Variants in WDFY2 observed in about 807,000 individuals in gnomAD.
The protein encoded by WDFY2 is WD repeat and FYVE domain-containing protein 2.
Under a neutral mutation model 56.4 loss-of-function variants are expected in WDFY2, and 36 were observed. The observed-to-expected ratio is 0.64, with a 90% CI of 0.49 to 0.84. WDFY2 has a LOEUF of 0.84. Among genes scored for constraint, WDFY2 ranks in the 40% least tolerant of loss-of-function variants. WDFY2 has a pLI of 0.00. For synonymous variants in WDFY2, 176 were observed against 183.7 expected (o/e 0.96, Z 0.34); for missense variants, 444 against 512.2 (o/e 0.87, Z 1.29).
intron 1 of WDFY2, among the ~76,000 whole-genome samples, chr13:51,622,707 A>G (rs546367681): frequency 2.0e-5 from 3 of 152,220 alleles, no homozygotes; most frequent in Non-Finnish European, 4.4e-5. Flanking sequence ...CACAGGATAC[A>G]CATAACTGTT....
chr13:51,678,715 G>A (rs1032245118), intron 3 of WDFY2, among the ~76,000 whole-genome samples: 1 of 152,152 alleles, frequency 6.6e-6, no homozygotes, highest in Non-Finnish European at 1.5e-5. Flanking sequence ...ACATAGTGTG[G>A]CTTCTGGTCT....
At chr13:51,629,257 A>G (rs748902700) in intron 1 of WDFY2, among the ~76,000 whole-genome samples, 4 of 152,240 alleles carry the variant, frequency 2.6e-5, no homozygotes, top group Non-Finnish European at 5.9e-5. Flanking sequence ...CTAAACGTTC[A>G]TGTAGATAGA....
chr13:51,671,894 G>A (rs566657330), intron 2 of WDFY2, among the ~76,000 whole-genome samples: 17 of 145,648 alleles, frequency 1.2e-4, no homozygotes, highest in South Asian at 8.6e-4. Context: ...AGCGATTCTC[G>A]TGCCTCAGCC....
intron 7 of WDFY2, among the ~76,000 whole-genome samples, chr13:51,741,386 G>A (rs1186475701): frequency 6.6e-6 from 1 of 152,210 alleles, no homozygotes; most frequent in African/African-American, 2.4e-5. Context: ...GGGTTGCTCT[G>A]GTATCACAGA....
intron 4 of WDFY2, among the ~76,000 whole-genome samples, chr13:51,708,328 A>C (rs1314689945): frequency 5.7e-3 from 1 of 176 alleles, no homozygotes; most frequent in Non-Finnish European, 0.029. Context: ...CCCATCTCTA[A>C]AAAAAAAAAA....
chr13:51,741,242 A>G (rs1952967138), intron 7 of WDFY2, among the ~76,000 whole-genome samples: 2 of 152,234 alleles, frequency 1.3e-5, no homozygotes, highest in African/African-American at 4.8e-5. Context: ...ATCAGGAGCC[A>G]CCAGGCAGAA....
chr13:51,699,155 G>C (rs778755960), intron 3 of WDFY2, among the ~76,000 whole-genome samples: 1 of 152,204 alleles, frequency 6.6e-6, no homozygotes, highest in African/African-American at 2.4e-5. Context: ...CCACAGATCT[G>C]ACTTCCCCAG....
rs2138788383 is a variant in WDFY2, at chr13:51,760,548, C to A, written c.*779C>A. On this transcript the variant is annotated 3_prime_UTR_variant, in exon 12 of 12. Coordinates refer to ENST00000298125, the MANE Select transcript of WDFY2 (RefSeq NM_052950.4). ...GAGCTTCAACGATCAGTGCCTGGAT[C>A]ATTTAGAATTCAGTTGGAGCCTCCT... The A allele has an allele frequency of 6.6e-6, 1 of 152,300 alleles. No homozygotes were observed. The highest frequency in any genetic ancestry group is 2.1e-4 in the South Asian group (1 of 4,826). 9.4% of individuals were successfully genotyped at this position (152,300 alleles called of 1,614,324 possible).
intron 1 of WDFY2, 152 bp downstream of exon 1, chr13:51,584,976 A>C: frequency 4.2e-6 from 5 of 1,184,050 alleles, no homozygotes; most frequent in Non-Finnish European, 4.6e-6. Context: ...GCCGGTGTTC[A>C]GCTGCGCGCC....
rs543800397 is a variant in WDFY2 at position 51,654,452 on chromosome 13, A to G, written c.138-6144A>G. ...CAATCCCCAGTGAGATGAACCTGGTACCTCAGGTGGAAATGCAGAAATCAT... is the reference window on the plus strand; with the variant it reads ...CAATCCCCAGTGAGATGAACCTGGTGCCTCAGGTGGAAATGCAGAAATCAT... On this transcript the variant is annotated intron_variant, in intron 1 of 11. Transcript: ENST00000298125. Among the ~76,000 whole-genome samples, 7 of 152,242 alleles carry G rather than the reference A, an allele frequency of 4.6e-5. No homozygotes were observed. In the East Asian group the frequency reaches 1.4e-3, roughly 29 times the overall value.
intron 4 of WDFY2, among the ~76,000 whole-genome samples, chr13:51,706,897 A>G (rs1476417220): frequency 1.3e-5 from 2 of 152,246 alleles, no homozygotes; most frequent in Non-Finnish European, 2.9e-5. Flanking sequence ...TGGAGTACCA[A>G]GAATCTTAGA....
intron 4 of WDFY2, among the ~76,000 whole-genome samples, chr13:51,715,499 C>G (rs936046803): frequency 2.0e-5 from 3 of 152,094 alleles, no homozygotes; most frequent in African/African-American, 7.3e-5. Context: ...ACTGGAAGGT[C>G]TTCGGGGCCA....
chr13:51,721,820 G>A (rs1260781486), intron 5 of WDFY2, among the ~76,000 whole-genome samples: 2 of 152,176 alleles, frequency 1.3e-5, no homozygotes, highest in East Asian at 3.8e-4. Context: ...TGACAGCTCT[G>A]TGCTTTTGCC....
chr13:51,661,347 C>G (rs1286821449), intron 2 of WDFY2, among the ~76,000 whole-genome samples: 1 of 152,024 alleles, frequency 6.6e-6, no homozygotes, highest in African/African-American at 2.4e-5. Flanking sequence ...GCATCCTATC[C>G]CATGTTTATT....
At chr13:51,759,673 C>T (rs890456452) in intron 11 of WDFY2, 67 bp from the exon 12 acceptor site, 28 of 1,508,294 alleles carry the variant, frequency 1.9e-5, no homozygotes, top group African/African-American at 4.1e-5. Context: ...TTGAAGAATT[C>T]AGTTCTAAGG....
intron 1 of WDFY2, among the ~76,000 whole-genome samples, chr13:51,620,849 A>G (rs1954712015): frequency 6.6e-6 from 1 of 152,094 alleles, no homozygotes; most frequent in Admixed American, 6.5e-5. Context: ...ACTGCTTCCA[A>G]GAGGGAAGTC....
At chr13:51,700,717 G>C (rs565253349) in intron 3 of WDFY2, among the ~76,000 whole-genome samples, 2 of 151,664 alleles carry the variant, frequency 1.3e-5, no homozygotes, top group Non-Finnish European at 2.9e-5. Flanking sequence ...TGTAATCCCA[G>C]CACTTTGGGA....
At chr13:51,608,768 C>T (rs1954432665) in intron 1 of WDFY2, among the ~76,000 whole-genome samples, 1 of 152,130 alleles carries the variant, frequency 6.6e-6, no homozygotes, top group South Asian at 2.1e-4. Flanking sequence ...TTTTGTTCTT[C>T]AACTTGCTTA....
intron 8 of WDFY2, among the ~76,000 whole-genome samples, chr13:51,753,460 T>C (rs753218961): frequency 4.6e-5 from 7 of 152,222 alleles, no homozygotes; most frequent in Non-Finnish European, 8.8e-5. Flanking sequence ...TATAACATTC[T>C]TGGTAGAAAA....
Sources: allele counts gnomAD v4.1 joint callset (sites outside exome capture counted in the v4.1 genomes callset), GRCh38; gene constraint gnomAD v4.1.1; transcripts MANE v1.5; gene names NCBI Gene and HGNC (gene_info 2026-07-23, HGNC 2026-07-21).